The following PCDH9 variants were observed in gnomAD, a reference collection of about 807,000 sequenced individuals.
PCDH9 encodes protocadherin-9.
PCDH9 carries 24 observed loss-of-function variants against 70.6 expected under a neutral mutation model. The ratio of observed to expected loss-of-function variants is 0.34; its 90% CI spans 0.25 to 0.48. The LOEUF (loss-of-function observed/expected upper bound fraction) is 0.48, where lower values mean the gene tolerates loss of function less well. Among genes scored for constraint, PCDH9 ranks in the 20% least tolerant of loss-of-function variants. The pLI, the probability that PCDH9 is intolerant of heterozygous loss-of-function variation, is 0.99. For missense variants in PCDH9, 1,281 were observed against 1,503.6 expected (o/e 0.85, Z 2.45); for synonymous variants, 562 against 558.5 (o/e 1.01, Z -0.09).
intron 2 of PCDH9, among the ~76,000 whole-genome samples, chr13:66,937,534 C>G (rs1566305793): frequency 6.6e-6 from 1 of 152,188 alleles, no homozygotes; most frequent in Non-Finnish European, 1.5e-5. Flanking sequence ...CGGCTTTATG[C>G]CTGTTTAAAC....
intron 4 of PCDH9, among the ~76,000 whole-genome samples, chr13:66,356,051 G>T (rs1453164064): frequency 6.6e-6 from 1 of 152,042 alleles, no homozygotes; most frequent in African/African-American, 2.4e-5. Flanking sequence ...AAATTGTGTG[G>T]AAACCAACAT....
chr13:66,737,545 C>G (rs775402932), intron 3 of PCDH9, among the ~76,000 whole-genome samples: 1 of 151,964 alleles, frequency 6.6e-6, no homozygotes, highest in Admixed American at 6.6e-5. Context: ...GCGTGAGCGA[C>G]GCAGAAGACG....
intron 3 of PCDH9, among the ~76,000 whole-genome samples, chr13:66,686,021 C>A (rs114336003): frequency 4.0e-4 from 61 of 152,114 alleles, no homozygotes; most frequent in African/African-American, 1.5e-3. Context: ...TGGTGGAATG[C>A]GCTAAGACTT....
At chr13:66,434,761 T>C (rs1957837621) in intron 4 of PCDH9, among the ~76,000 whole-genome samples, 1 of 151,998 alleles carries the variant, frequency 6.6e-6, no homozygotes, top group African/African-American at 2.4e-5. Context: ...CTATAAAAAA[T>C]GTATACATTC....
At chr13:66,771,535 G>A (rs948632749) in intron 3 of PCDH9, among the ~76,000 whole-genome samples, 1 of 152,140 alleles carries the variant, frequency 6.6e-6, no homozygotes, top group Admixed American at 6.5e-5. Context: ...CATGATAAGT[G>A]CTAGGAGGAC....
chr13:67,025,644 T>C (rs964465295), intron 2 of PCDH9, among the ~76,000 whole-genome samples: 1 of 152,096 alleles, frequency 6.6e-6, no homozygotes, highest in East Asian at 1.9e-4. Context: ...AAATAGTATA[T>C]TAAAAATTAC....
chr13:66,745,140 G>A (rs1425277367), intron 3 of PCDH9, among the ~76,000 whole-genome samples: 2 of 152,180 alleles, frequency 1.3e-5, no homozygotes, highest in Admixed American at 6.6e-5. Context: ...CCAAGTTGAT[G>A]AAGGGATCTT....
chr13:67,153,292 G>A (rs1342779203), intron 2 of PCDH9, among the ~76,000 whole-genome samples: 1 of 151,892 alleles, frequency 6.6e-6, no homozygotes, highest in Non-Finnish European at 1.5e-5. Context: ...CTCCTCAGTA[G>A]CTGGAACTGG....
chr13:66,846,294 G>C (rs1404071455), intron 3 of PCDH9, among the ~76,000 whole-genome samples: 1 of 152,070 alleles, frequency 6.6e-6, no homozygotes, highest in African/African-American at 2.4e-5. Context: ...ACCAAATTTT[G>C]TTTTGTCTAA....
chr13:67,147,752 G>A (rs1218827941), intron 2 of PCDH9, among the ~76,000 whole-genome samples: 19 of 152,182 alleles, frequency 1.2e-4, no homozygotes, highest in Non-Finnish European at 4.4e-5. Flanking sequence ...AATGTCCACT[G>A]TTTATACATT....
chr13:67,174,297 A>AGATAGATAGATAGACAGAT (rs2088381084), intron 2 of PCDH9, among the ~76,000 whole-genome samples: 1 of 146,402 alleles, frequency 6.8e-6, no homozygotes, highest in African/African-American at 2.5e-5. Context: ...GACAGATGAT[A>AGATAGATAGATAGACAGAT]GATAGATAGA....
chr13:66,860,310 A>ATGCCACTTCTGTGCTTT lies in PCDH9; in HGVS notation c.3138+43177_3138+43193dup, dbSNP rs2081461217. Among the ~76,000 whole-genome samples the ATGCCACTTCTGTGCTTT allele has an allele frequency of 5.4e-5, 8 of 147,256 alleles. No individual in the cohort carries two copies. In the South Asian group the frequency reaches 6.9e-4, roughly 13 times the overall value. ...AGCATTCGCAGCAGCTTCTGGAAAGATGCCACTTCTGTGCTTTATTGGCTG... is the reference window on the plus strand; with the variant it reads ...AGCATTCGCAGCAGCTTCTGGAAAGATGCCACTTCTGTGCTTTTGCCACTTCTGTGCTTTATTGGCTG... On this transcript the variant is annotated intron_variant, in intron 3 of 4. Coordinates refer to ENST00000377865, the MANE Select transcript of PCDH9 (RefSeq NM_203487.3).
intron 2 of PCDH9, among the ~76,000 whole-genome samples, chr13:66,923,848 T>C (rs1055577463): frequency 6.6e-6 from 1 of 151,822 alleles, no homozygotes; most frequent in African/African-American, 2.4e-5. Flanking sequence ...TCCACAATTA[T>C]TTCATTTTAC....
intron 3 of PCDH9, among the ~76,000 whole-genome samples, chr13:66,860,676 G>A (rs552955932): frequency 6.6e-6 from 1 of 152,324 alleles, no homozygotes; most frequent in East Asian, 1.9e-4. Flanking sequence ...CCAGTGTCCT[G>A]TTGTGAGACT....
chr13:67,065,611 T>C (rs938864104), intron 2 of PCDH9, among the ~76,000 whole-genome samples: 32 of 152,128 alleles, frequency 2.1e-4, no homozygotes, highest in Non-Finnish European at 5.9e-5. Context: ...TAATTTTAAT[T>C]TTGAGCTTCA....
chr13:66,788,648 A>ATTTTTTT (rs58386697), intron 3 of PCDH9, among the ~76,000 whole-genome samples: 25 of 81,858 alleles, frequency 3.1e-4, no homozygotes, highest in African/African-American at 1.1e-3. Flanking sequence ...CTAAACAGTA[A>ATTTTTTT]TTTTTTTTTT....
chr13:67,030,217 A>T (rs2084875620), intron 2 of PCDH9, among the ~76,000 whole-genome samples: 1 of 152,126 alleles, frequency 6.6e-6, no homozygotes, highest in African/African-American at 2.4e-5. Context: ...ATAATGAATT[A>T]TTTTCAATAC....
At chr13:66,958,115 A>C (rs375608400) in intron 2 of PCDH9, among the ~76,000 whole-genome samples, 98 of 152,346 alleles carry the variant, frequency 6.4e-4, no homozygotes, top group African/African-American at 2.2e-3. Context: ...GAGGCACCCC[A>C]ATTTGAGGGC....
At chr13:66,549,947 T>G (rs1235520898) in intron 4 of PCDH9, among the ~76,000 whole-genome samples, 1 of 152,130 alleles carries the variant, frequency 6.6e-6, no homozygotes, top group African/African-American at 2.4e-5. Flanking sequence ...CTTAAGATTC[T>G]TGAATAGAAA....
Sources: gnomAD v4.1 joint callset for allele counts (sites outside exome capture counted in the v4.1 genomes callset) on GRCh38, gnomAD v4.1.1 for gene constraint, MANE v1.5 for transcripts, NCBI Gene and HGNC (gene_info 2026-07-23, HGNC 2026-07-21) for gene names.